Variants in ZZEF1 observed in about 807,000 individuals in gnomAD.
ZZEF1 encodes the protein zinc finger ZZ-type and EF-hand domain containing 1, also known as zinc finger ZZ-type and EF-hand domain-containing protein 1.
A neutral mutation model predicts 342.8 loss-of-function variants in ZZEF1; 157 were observed. That is an observed-to-expected ratio of 0.46 (90% confidence interval 0.40 to 0.52). The LOEUF is 0.52. Ranked by LOEUF, ZZEF1 falls within the 20% of genes least tolerant of loss-of-function variation. The probability of loss-of-function intolerance (pLI) is 0.00; values close to 1 mark genes in which losing one functional copy is unlikely to be tolerated. For missense variants in ZZEF1, 3,480 were observed against 3,725.6 expected, an observed-to-expected ratio of 0.93 and a Z score of 1.72; for synonymous variants, 1,505 against 1,429.1, an observed-to-expected ratio of 1.05 and a Z score of -1.20.
At chr17:4,137,756 A>T (rs2058776393) in intron 1 of ZZEF1, among the ~76,000 whole-genome samples, 1 of 152,222 alleles carries the variant, frequency 6.6e-6, no homozygotes. Flanking sequence ...CTAGTTGCAC[A>T]GCAAGGCCAG....
In ZZEF1 at chr17:4,044,377, A is replaced by G. The variant is rs34189065; in HGVS notation, c.6016-3T>C. On this transcript the variant is annotated splice_region_variant and splice_polypyrimidine_tract_variant and intron_variant, in intron 37 of 54. Coordinates refer to ENST00000381638, the MANE Select transcript of ZZEF1 (RefSeq NM_015113.4). The stretch of plus-strand genomic sequence containing the variant: ...TCCTCATGAACAGCTCTCTTTCCCT[A>G]AAAAAACAAAAGTGTAAAAGAATTA... 1.5e-3 allele frequency: 2,350 copies of G among 1,601,836 alleles called. 3 individuals are homozygous for G. The highest frequency in any genetic ancestry group is 2.0e-3 in the Admixed American group (116 of 56,828).
intron 27 of ZZEF1, 77 bp downstream of exon 27, chr17:4,067,085 GA>G: frequency 8.2e-7 from 1 of 1,223,720 alleles, no homozygotes; most frequent in Non-Finnish European, 1.2e-6. Flanking sequence ...CTTGAGAAGA[GA>G]ACAATTCATC....
In ZZEF1 at chr17:4,119,615, G is replaced by A. The variant is rs144264219; in HGVS notation, c.500-2449C>T. On this transcript the variant is annotated intron_variant, in intron 2 of 54. Transcript: ENST00000381638. ...AGCATGCACCTTTCATTGGAGGTCA[G>A]CCACTCACATGACATGAGCTTGTGT... Among the ~76,000 whole-genome samples the A allele has an allele frequency of 2.2e-4, 33 of 152,318 alleles. 1 individual carries two copies. The East Asian group carries it at 4.0e-3, about 19-fold the overall frequency.
At position 4,017,476 on chromosome 17, in the gene ZZEF1, G is replaced by T; in HGVS notation, c.7896C>A (p.Ser2632Arg). The T allele has an allele frequency of 1.2e-6, 2 of 1,614,258 alleles. No individual in the cohort carries two copies. The highest frequency in any genetic ancestry group is 1.1e-5 in the South Asian group (1 of 91,088). ...VLASLLAEWP[S>R]HVPVSEDILE... ...GGATGTCCTCGCTCACTGGCACGTG[G>T]CTAGGCCACTCGGCGAGCAGGGATG... The change falls in exon 48 of 55, where the codon AGC becomes AGA. Residue 2632 changes from serine (S) to arginine (R), a missense_variant. Ser to Arg is a moderately radical substitution (Grantham distance 110, BLOSUM62 -1). Transcript: ENST00000381638. The surrounding 1 kb of genome is among the most constrained non-coding windows in gnomAD (Gnocchi z 5.1).
intron 11 of ZZEF1, among the ~76,000 whole-genome samples, chr17:4,092,959 C>CAAAAAAAAAAAAA (rs111253238): frequency 1.0e-5 from 1 of 97,216 alleles, no homozygotes. Flanking sequence ...AGGACATGAC[C>CAAAAAAAAAAAAA]AAAAAAAAAA....
chr17:4,012,855 T>G (rs141736692), intron 52 of ZZEF1, among the ~76,000 whole-genome samples: 8 of 152,216 alleles, frequency 5.3e-5, no homozygotes, highest in African/African-American at 1.9e-4. Flanking sequence ...AAATACCAAT[T>G]ATAGTATCAA....
intron 2 of ZZEF1, among the ~76,000 whole-genome samples, chr17:4,118,660 G>A (rs1419721105): frequency 1.3e-5 from 2 of 152,192 alleles, no homozygotes; most frequent in Non-Finnish European, 2.9e-5. Flanking sequence ...AATGAGGAAT[G>A]CACTGCCTCC....
intron 28 of ZZEF1, among the ~76,000 whole-genome samples, chr17:4,065,083 A>AT (rs1486705803): frequency 6.6e-6 from 1 of 152,188 alleles, no homozygotes; most frequent in East Asian, 1.9e-4. Flanking sequence ...AAATGTCACA[A>AT]TTTAGGGCAA....
intron 9 of ZZEF1, among the ~76,000 whole-genome samples, chr17:4,099,660 C>T (rs2058094065): frequency 6.6e-6 from 1 of 151,994 alleles, no homozygotes; most frequent in African/African-American, 2.4e-5. Flanking sequence ...ATTCTCCTGC[C>T]TCAGCCTCCC....
In ZZEF1 at chr17:4,014,521, G is replaced by A; in HGVS notation, c.8146-6C>T. The A allele has an allele frequency of 6.2e-7, 1 of 1,614,028 alleles. No individual in the cohort carries two copies. Among genetic ancestry groups the A allele is most frequent in the Non-Finnish European group, 8.5e-7 (1 of 1,179,926 alleles). ...CCAGGAATGTGAACTTTATCCTAGGGAGGGGAAATGGAGAACACATCTGTC... is the reference window on the plus strand; with the variant it reads ...CCAGGAATGTGAACTTTATCCTAGGAAGGGGAAATGGAGAACACATCTGTC... On this transcript the variant is annotated splice_polypyrimidine_tract_variant and splice_region_variant and intron_variant, in intron 49 of 54. Transcript: ENST00000381638. This position sits in a 1 kb window ranked among gnomAD's most constrained non-coding sequence, Gnocchi z 4.4.
At chr17:4,024,185 G>GTTTTTTTTTTT (rs1491483468) in intron 43 of ZZEF1, among the ~76,000 whole-genome samples, 2 of 83,976 alleles carry the variant, frequency 2.4e-5, no homozygotes, top group African/African-American at 1.4e-4. Context: ...ATATTGCCCA[G>GTTTTTTTTTTT]GTTTTTTTTT....
chr17:4,043,403 T>C (rs1257538466), intron 38 of ZZEF1, among the ~76,000 whole-genome samples: 2 of 152,226 alleles, frequency 1.3e-5, no homozygotes, highest in Non-Finnish European at 2.9e-5. Flanking sequence ...CTCAGAATTA[T>C]ACACACTGCA....
chr17:4,062,659 T>C, intron 30 of ZZEF1, 94 bp downstream of exon 30: 3 of 1,357,038 alleles, frequency 2.2e-6, no homozygotes, highest in Non-Finnish European at 3.0e-6. Context: ...GTATCCTACA[T>C]AGAAATGATG....
At chr17:4,084,670 G>A (rs541566728) in intron 16 of ZZEF1, among the ~76,000 whole-genome samples, 1 of 152,204 alleles carries the variant, frequency 6.6e-6, no homozygotes, top group African/African-American at 2.4e-5. Context: ...ACTTCCTTCA[G>A]AAATAAAAAC....
chr17:4,066,940 G>A (rs1401772916), intron 27 of ZZEF1, among the ~76,000 whole-genome samples: 1 of 152,164 alleles, frequency 6.6e-6, no homozygotes, highest in African/African-American at 2.4e-5. Context: ...TCCACGAAGG[G>A]ATGTAAAGAG....
chr17:4,140,283 A>G (rs4790172), intron 1 of ZZEF1, among the ~76,000 whole-genome samples: 139,341 of 152,218 alleles, frequency 0.92, 65,032 homozygotes, highest in East Asian at 1. Flanking sequence ...CTGGACTTTG[A>G]ACTTTTGTGG....
chr17:4,075,173 T>A lies in ZZEF1; in HGVS notation c.3407A>T (p.Asp1136Val). The change falls in exon 23 of 55, where the codon GAT becomes GTT. Residue 1136 changes from aspartate to valine, a missense_variant. Around this residue, in one of 5 missense-constraint regions of ZZEF1, gnomAD observed 1,528 missense variants for 1,624.1 expected, o/e 0.94. Transcript: ENST00000381638. ...DDRCETEKRY[D>V]YLEFTDARGR... is the part of the protein sequence containing the mutation. Reference sequence around the variant, plus strand: ...TCTAGCGTCGGTAAATTCCAGATAATCATACCTGTGAAGGCATAACCTCTA... The same window carrying A: ...TCTAGCGTCGGTAAATTCCAGATAAACATACCTGTGAAGGCATAACCTCTA... 6.2e-7 allele frequency: 1 copy of A among 1,614,222 alleles called. No individual in the cohort carries two copies. The highest frequency in any genetic ancestry group is 8.5e-7 in the Non-Finnish European group (1 of 1,180,034).
At chr17:4,036,830 CTCTCTCTCT>C (rs2056682984) in intron 39 of ZZEF1, among the ~76,000 whole-genome samples, 1 of 134,108 alleles carries the variant, frequency 7.5e-6, no homozygotes. Flanking sequence ...CTCTCTCTCT[CTCTCTCTCT>C]CTCTCCCCGC....
chr17:4,032,410 G>A, intron 41 of ZZEF1, 152 bp from the exon 42 acceptor site: 4 of 886,114 alleles, frequency 4.5e-6, no homozygotes, highest in Non-Finnish European at 6.7e-6. Context: ...CAAAGAGTCT[G>A]CCACAGGCTG....
Sources: allele counts gnomAD v4.1 joint callset (sites outside exome capture counted in the v4.1 genomes callset), GRCh38; gene constraint gnomAD v4.1.1; regional missense constraint gnomAD v4.1.1; non-coding constraint Gnocchi (gnomAD v3.1); transcripts MANE v1.5; gene names NCBI Gene and HGNC (gene_info 2026-07-23, HGNC 2026-07-21).